The following LCOR variants were observed in gnomAD, a reference collection of about 807,000 sequenced individuals.
The protein encoded by LCOR is ligand-dependent corepressor.
LCOR carries 14 observed loss-of-function variants against 64.4 expected under a neutral mutation model. The ratio of observed to expected loss-of-function variants is 0.22; its 90% CI spans 0.14 to 0.34. The LOEUF (loss-of-function observed/expected upper bound fraction) is 0.34. Among genes scored for constraint, LCOR ranks in the 10% least tolerant of loss-of-function variants. The probability of loss-of-function intolerance (pLI) is 1.00; values close to 1 mark genes in which losing one functional copy is unlikely to be tolerated. For missense variants in LCOR, 1,686 were observed against 1,765.3 expected (o/e 0.96, Z 0.80); for synonymous variants, 643 against 642.5 (o/e 1.00, Z -0.01).
At chr10:96,924,886 C>G (rs991421092) in intron 4 of LCOR, among the ~76,000 whole-genome samples, 4 of 151,990 alleles carry the variant, frequency 2.6e-5, no homozygotes, top group African/African-American at 9.7e-5. Context: ...TATAATATTA[C>G]CTAATATATG....
At chr10:96,971,317 T>C (rs1438027194) in intron 7 of LCOR, among the ~76,000 whole-genome samples, 1 of 152,194 alleles carries the variant, frequency 6.6e-6, no homozygotes, top group Non-Finnish European at 1.5e-5. Flanking sequence ...TCAATTCCCT[T>C]GAAAAATGCA....
At chr10:96,952,013 C>G (rs1033106927) in intron 6 of LCOR, 90 bp from the exon 7 acceptor site, 13 of 835,472 alleles carry the variant, frequency 1.6e-5, no homozygotes, top group Non-Finnish European at 2.6e-5. Context: ...TTGAATAAGC[C>G]TGCTTAACTG....
rs1028720884 is a variant in LCOR at position 96,944,142 on chromosome 10, T to C, written c.-154T>C. On this transcript the variant is annotated 5_prime_UTR_variant, in exon 5 of 8. Transcript: ENST00000421806. ...ACTTAGTCGGTCTGGATGAACCAGC[T>C]TCGGGAGCTGGGCAAGAAGCTCTGC... The C allele has an allele frequency of 1.0e-6, 1 of 985,584 alleles. No homozygotes were observed. The highest frequency in any genetic ancestry group is 1.7e-5 in the African/African-American group (1 of 57,192). 61.1% of individuals were successfully genotyped at this position (985,584 alleles called of 1,614,324 possible).
At chr10:96,874,925 C>T (rs550131341) in intron 2 of LCOR, among the ~76,000 whole-genome samples, 1 of 151,956 alleles carries the variant, frequency 6.6e-6, no homozygotes, top group South Asian at 2.1e-4. Flanking sequence ...TGTGAGCCAC[C>T]GCACCCGGCC....
Position 96,842,027 on chromosome 10 carries a change from TTC to T in LCOR, c.-330+8552_-330+8553del, listed in dbSNP as rs1845550216. The stretch of plus-strand genomic sequence containing the variant: ...ATCAAAAAATGATTATTGTGTATAG[TTC>T]TCTTAGTACGTGATTTTTTAGAGTT... On this transcript the variant is annotated intron_variant, in intron 2 of 7. Transcript: ENST00000421806. Among the ~76,000 whole-genome samples the T allele has an allele frequency of 2.6e-5, 4 of 152,202 alleles. No individual in the cohort carries two copies. In the South Asian group the frequency reaches 8.3e-4, roughly 31 times the overall value.
intron 7 of LCOR, chr10:96,955,439 C>A (rs1305929350): frequency 6.2e-7 from 1 of 1,614,198 alleles, no homozygotes. Flanking sequence ...GTGATCAGTA[C>A]AGCTATAGCT....
At chr10:96,911,093 CTTTTT>C (rs71007308) in intron 4 of LCOR, among the ~76,000 whole-genome samples, 3 of 114,170 alleles carry the variant, frequency 2.6e-5, no homozygotes, top group Admixed American at 9.2e-5. Context: ...TACATGTTCC[CTTTTT>C]TTTTTTTTTT....
chr10:96,955,786 G>A, intron 7 of LCOR: 1 of 1,614,232 alleles, frequency 6.2e-7, no homozygotes, highest in Non-Finnish European at 8.5e-7. Context: ...GTAAAGGAGA[G>A]GCTGGGCACT....
At position 96,910,781 on chromosome 10, in the gene LCOR, C is replaced by A. The variant is rs1042787311; in HGVS notation, c.-184+3034C>A. ...ATAATCTAGGTAGTATTTGGAAAAG[C>A]ACTTAGAAATATTGACCTGATATTT... On this transcript the variant is annotated intron_variant, in intron 4 of 7. Transcript: ENST00000421806. 2.6e-5 allele frequency among the ~76,000 whole-genome samples: 4 copies of A among 152,268 alleles called. No individual in the cohort carries two copies. The East Asian group carries it at 7.7e-4, about 29-fold the overall frequency.
chr10:96,952,565 T>TTGTG (rs34711150), intron 7 of LCOR, among the ~76,000 whole-genome samples: 32 of 150,604 alleles, frequency 2.1e-4, no homozygotes, highest in Admixed American at 4.0e-4. Flanking sequence ...CTAGTGGGGT[T>TTGTG]TGTGTGTGTG....
intron 2 of LCOR, among the ~76,000 whole-genome samples, chr10:96,887,669 C>T (rs867026929): frequency 5.3e-5 from 8 of 150,390 alleles, no homozygotes; most frequent in South Asian, 2.1e-4. Context: ...GAGTTGCAAG[C>T]TAAACTAGCT....
intron 4 of LCOR, among the ~76,000 whole-genome samples, chr10:96,942,807 T>C (rs1426217052): frequency 2.6e-5 from 4 of 152,228 alleles, no homozygotes; most frequent in African/African-American, 9.6e-5. Context: ...TGCCAAGATA[T>C]GTCCCATTTT....
intron 2 of LCOR, among the ~76,000 whole-genome samples, chr10:96,872,894 G>A (rs1014216484): frequency 5.3e-5 from 8 of 152,108 alleles, no homozygotes; most frequent in African/African-American, 1.9e-4. Context: ...TATTTAAAAG[G>A]TTATTTTTTA....
In LCOR at chr10:96,981,933, A is replaced by G. The variant is rs1247314229; in HGVS notation, c.1473A>G (p.Leu491=). 1.9e-6 allele frequency: 3 copies of G among 1,614,088 alleles called. No individual in the cohort carries two copies. The African/African-American group carries it at 4.0e-5, about 22-fold the overall frequency. The change falls in exon 8 of 8, where the codon TTA becomes TTG. Residue 491 remains leucine (L), a synonymous_variant. Transcript: ENST00000421806. ...ECHFENQKSI[L]SSRKTARKST... ...ACTTTGAGAATCAAAAATCAATATTATCTTCTCGGAAAACAGCCAGAAAGA... is the reference window on the plus strand; with the variant it reads ...ACTTTGAGAATCAAAAATCAATATTGTCTTCTCGGAAAACAGCCAGAAAGA...
At chr10:96,955,189 C>T in intron 7 of LCOR, 1 of 1,614,164 alleles carries the variant, frequency 6.2e-7, no homozygotes, top group Non-Finnish European at 8.5e-7. Flanking sequence ...TTAATATTAT[C>T]CAGGGAAGCC....
rs35128733 is a variant in LCOR, at chr10:96,982,577, A to G, written c.2117A>G (p.Glu706Gly). 9,316 of 1,614,128 alleles carry G rather than the reference A, an allele frequency of 5.8e-3. 414 individuals carry two copies. In the African/African-American group the frequency reaches 0.098, roughly 17 times the overall value. ...VSREESPQCS[E>G]NQSSPMGLEP... ...AGAGAAGAAAGTCCTCAGTGCTCAGAAAATCAGAGTTCCCCAATGGGCTTG... is the reference window on the plus strand; with the variant it reads ...AGAGAAGAAAGTCCTCAGTGCTCAGGAAATCAGAGTTCCCCAATGGGCTTG... The change falls in exon 8 of 8, where the codon GAA (glutamate) becomes GGA (glycine). Residue 706 changes from glutamate to glycine, a missense_variant. Around this residue, in one of 3 missense-constraint regions of LCOR, gnomAD observed 1,293 missense variants for 1,410.4 expected, o/e 0.92. Coordinates refer to ENST00000421806, the MANE Select transcript of LCOR (RefSeq NM_001346516.2).
chr10:96,950,577 A>G (rs1847661263), intron 6 of LCOR, among the ~76,000 whole-genome samples: 1 of 152,140 alleles, frequency 6.6e-6, no homozygotes. Context: ...CACTTAATCT[A>G]ATTTAACTTG....
At chr10:96,853,478 G>A (rs980466627) in intron 2 of LCOR, among the ~76,000 whole-genome samples, 2 of 152,236 alleles carry the variant, frequency 1.3e-5, no homozygotes, top group Non-Finnish European at 2.9e-5. Context: ...CCTTAGTGAT[G>A]TATAACTAGA....
At chr10:96,845,048 A>G (rs1845602884) in intron 2 of LCOR, among the ~76,000 whole-genome samples, 1 of 152,198 alleles carries the variant, frequency 6.6e-6, no homozygotes, top group African/African-American at 2.4e-5. Context: ...AAATTGTGTG[A>G]CAGAAAAGGA....
Sources: allele counts gnomAD v4.1 joint callset (sites outside exome capture counted in the v4.1 genomes callset), GRCh38; gene constraint gnomAD v4.1.1; regional missense constraint gnomAD v4.1.1; transcripts MANE v1.5; gene names NCBI Gene and HGNC (gene_info 2026-07-23, HGNC 2026-07-21).